SCP2: variants seen among roughly 807,000 people sequenced by gnomAD.
SCP2 encodes sterol carrier protein 2, also known as SCP-2/3-oxoacyl-CoA thiolase.
In SCP2, 48 loss-of-function variants were observed where a neutral mutation model predicts 71.4. The ratio of observed to expected loss-of-function variants is 0.67; its 90% CI spans 0.53 to 0.86. The LOEUF is 0.86. Among genes scored for constraint, SCP2 ranks in the 40% least tolerant of loss-of-function variants. SCP2 has a pLI of 0.00. For synonymous variants in SCP2, 220 were observed against 218.1 expected (o/e 1.01, Z -0.08); for missense variants, 560 against 655.6 (o/e 0.85, Z 1.59).
intron 11 of SCP2, among the ~76,000 whole-genome samples, chr1:52,998,142 C>G (rs926527795): frequency 6.6e-6 from 1 of 152,076 alleles, no homozygotes; most frequent in Non-Finnish European, 1.5e-5. Context: ...TATCCATTGT[C>G]CTGTGGATGG....
chr1:52,954,329 A>G (rs1170211382), intron 4 of SCP2, among the ~76,000 whole-genome samples: 1 of 150,982 alleles, frequency 6.6e-6, no homozygotes, highest in South Asian at 2.1e-4. Context: ...AAAAAAGCAA[A>G]CAAACAACAA....
At chr1:52,976,549 C>G (rs1246284723) in intron 7 of SCP2, 134 bp from the exon 8 acceptor site, 2 of 668,666 alleles carry the variant, frequency 3.0e-6, no homozygotes, top group Non-Finnish European at 5.4e-6. Context: ...ATTCAGATGA[C>G]ATTTATGGCT....
At chr1:52,944,006 G>A (rs971715742) in intron 2 of SCP2, 1 of 232,996 alleles carries the variant, frequency 4.3e-6, no homozygotes, top group African/African-American at 2.4e-5. Flanking sequence ...TGGTGATAGA[G>A]AGGGGCAGCA....
intron 11 of SCP2, among the ~76,000 whole-genome samples, chr1:53,010,323 G>A (rs1188091273): frequency 6.6e-6 from 1 of 152,176 alleles, no homozygotes; most frequent in Non-Finnish European, 1.5e-5. Context: ...AAAGACACAT[G>A]CACACGTATG....
chr1:53,008,910 C>T (rs938612870), intron 11 of SCP2, among the ~76,000 whole-genome samples: 5 of 152,198 alleles, frequency 3.3e-5, no homozygotes, highest in African/African-American at 7.2e-5. Flanking sequence ...TCTCCTTAAG[C>T]TGATAAGCAA....
chr1:52,977,875 A>G (rs1658120003), intron 8 of SCP2, among the ~76,000 whole-genome samples: 1 of 151,868 alleles, frequency 6.6e-6, no homozygotes, highest in South Asian at 2.1e-4. Flanking sequence ...CAGAAGAATC[A>G]CTTGAACCGG....
chr1:52,928,829 G>A (rs1652814878), intron 1 of SCP2: 1 of 154,282 alleles, frequency 6.5e-6, no homozygotes, highest in African/African-American at 2.4e-5. Context: ...CTTATGAAGC[G>A]GAAGGACATC....
At chr1:52,949,232 G>T (rs904091773) in intron 3 of SCP2, among the ~76,000 whole-genome samples, 2 of 152,090 alleles carry the variant, frequency 1.3e-5, no homozygotes, top group Non-Finnish European at 2.9e-5. Flanking sequence ...AACGTACTGG[G>T]TTAAAGGGAT....
Position 52,978,265 on chromosome 1 carries a change from TG to T in SCP2, c.724del (p.Val242TyrfsTer18), listed in dbSNP as rs1364915780. ...AAAILASEAF[V>X]QKYGLQSKAV... ...CAGCAATTTTGGCCAGTGAAGCATTTGTACAGAAGTATGGCCTGCAATCCAA... is the reference window on the plus strand; with the variant it reads ...CAGCAATTTTGGCCAGTGAAGCATTTTACAGAAGTATGGCCTGCAATCCAA... On this transcript the variant is annotated frameshift_variant, in exon 9 of 16. Transcript: ENST00000371514. LOFTEE classifies it high-confidence loss of function. The T allele has an allele frequency of 3.1e-6, 5 of 1,614,060 alleles. No individual in the cohort carries two copies. The highest frequency in any genetic ancestry group is 4.2e-6 in the Non-Finnish European group (5 of 1,179,954).
chr1:52,953,940 CTA>C (rs1305341558), intron 4 of SCP2, among the ~76,000 whole-genome samples: 1 of 150,066 alleles, frequency 6.7e-6, no homozygotes, highest in Non-Finnish European at 1.5e-5. Flanking sequence ...CATGATTGCA[CTA>C]CTGCACTCCA....
chr1:53,042,550 A>C (rs530761597), intron 14 of SCP2, among the ~76,000 whole-genome samples: 35 of 152,308 alleles, frequency 2.3e-4, no homozygotes, highest in Non-Finnish European at 4.0e-4. Flanking sequence ...GTTTCTGCTG[A>C]AACTGACACT....
rs1039414989 is a variant in SCP2 at position 52,954,763 on chromosome 1, C to T, written c.355C>T (p.Leu119Phe). The T allele has an allele frequency of 6.2e-7, 1 of 1,613,678 alleles. No individual in the cohort carries two copies. Among genetic ancestry groups the T allele is most frequent in the African/African-American group, 1.3e-5 (1 of 74,884 alleles). The change falls in exon 5 of 16, where the codon CTT becomes TTT. Residue 119 changes from leucine (L) to phenylalanine (F), a missense_variant. Leu to Phe is a conservative substitution (Grantham distance 22). Coordinates refer to ENST00000371514, the MANE Select transcript of SCP2 (RefSeq NM_002979.5). ...AGGTGTGGCAGAATGTGTCTTGGCT[C>T]TTGGGTTTGAGAAGATGAGTAAGGG... Reference protein sequence around the residue: ...QGGVAECVLALGFEKMSKGSL... With the variant: ...QGGVAECVLAFGFEKMSKGSL...
intron 14 of SCP2, among the ~76,000 whole-genome samples, chr1:53,042,998 C>T (rs1663542041): frequency 6.6e-6 from 1 of 152,114 alleles, no homozygotes; most frequent in South Asian, 2.1e-4. Context: ...TCTAACATAA[C>T]ATATTATTCC....
chr1:52,942,654 A>T (rs1672913), intron 2 of SCP2, among the ~76,000 whole-genome samples: 98,752 of 149,898 alleles, frequency 0.66, 34,095 homozygotes, highest in African/African-American at 0.85. Flanking sequence ...AATTATTTTT[A>T]AAAAATCCAA....
At chr1:53,037,919 CACACACACACAGAT>C (rs1280183882) in intron 13 of SCP2, among the ~76,000 whole-genome samples, 21 of 126,708 alleles carry the variant, frequency 1.7e-4, no homozygotes, top group South Asian at 2.8e-4. Flanking sequence ...CACACACACA[CACACACACACAGAT>C]CCAGATCCTG....
At chr1:52,929,621 T>C (rs1019355541) in intron 1 of SCP2, among the ~76,000 whole-genome samples, 7 of 151,582 alleles carry the variant, frequency 4.6e-5, no homozygotes, top group Admixed American at 4.6e-4. Context: ...CTTTTTGTAT[T>C]TTTATTTATT....
At chr1:53,036,896 A>G (rs576590198) in intron 13 of SCP2, among the ~76,000 whole-genome samples, 71 of 152,152 alleles carry the variant, frequency 4.7e-4, no homozygotes, top group Non-Finnish European at 6.8e-4. Flanking sequence ...TAATCCTAGC[A>G]TTTTGGGAGG....
chr1:52,970,340 C>G (rs1324849519), intron 6 of SCP2, among the ~76,000 whole-genome samples: 1 of 152,114 alleles, frequency 6.6e-6, no homozygotes, highest in Non-Finnish European at 1.5e-5. Flanking sequence ...GCCACAAACC[C>G]CTGGGCTCAG....
At chr1:53,007,984 G>A (rs1660738052) in intron 11 of SCP2, among the ~76,000 whole-genome samples, 1 of 151,864 alleles carries the variant, frequency 6.6e-6, no homozygotes, top group Non-Finnish European at 1.5e-5. Context: ...ACTACCATCA[G>A]ATAATACTAT....
Sources: gnomAD v4.1 joint callset for allele counts (sites outside exome capture counted in the v4.1 genomes callset) on GRCh38, gnomAD v4.1.1 for gene constraint, MANE v1.5 for transcripts, NCBI Gene and HGNC (gene_info 2026-07-23, HGNC 2026-07-21) for gene names.